AGO2: variants seen among roughly 807,000 people sequenced by gnomAD.
AGO2 encodes protein argonaute-2.
In AGO2, 5 loss-of-function variants were observed where a neutral mutation model predicts 102.3. The ratio of observed to expected loss-of-function variants is 0.05; its 90% CI spans 0.03 to 0.10. The LOEUF (loss-of-function observed/expected upper bound fraction) is 0.10, where lower values mean the gene tolerates loss of function less well. Ranked by LOEUF, AGO2 falls within the 10% of genes least tolerant of loss-of-function variation. AGO2 has a pLI of 1.00. For missense variants in AGO2, 541 were observed against 1,183.7 expected (o/e 0.46, Z 7.97); for synonymous variants, 449 against 473.1 (o/e 0.95, Z 0.66).
chr8:140,623,821 G>T (rs375654145), intron 1 of AGO2, among the ~76,000 whole-genome samples: 2 of 152,082 alleles, frequency 1.3e-5, no homozygotes. Context: ...GCCCCAGGGC[G>T]GGATGGCTGC....
intron 13 of AGO2, 30 bp downstream of exon 13, chr8:140,547,438 G>A (rs751917491): frequency 1.3e-5 from 21 of 1,607,128 alleles, no homozygotes; most frequent in African/African-American, 5.3e-5. Context: ...GCCCTGGTCC[G>A]CAGGCGGAGG....
intron 16 of AGO2, among the ~76,000 whole-genome samples, chr8:140,536,353 G>A (rs143869041): frequency 0.03 from 4,371 of 147,330 alleles, 207 homozygotes; most frequent in African/African-American, 0.1. Context: ...TTGAGATGGA[G>A]TCTTGCTTTG....
intron 1 of AGO2, among the ~76,000 whole-genome samples, chr8:140,624,880 C>G (rs1430393496): frequency 2.0e-5 from 3 of 152,354 alleles, no homozygotes; most frequent in African/African-American, 7.2e-5. Context: ...GCAGCATCAA[C>G]CACAGACAGA....
At chr8:140,627,304 A>G (rs2074291177) in intron 1 of AGO2, among the ~76,000 whole-genome samples, 1 of 152,254 alleles carries the variant, frequency 6.6e-6, no homozygotes, top group Non-Finnish European at 1.5e-5. Flanking sequence ...ATGATGTTGG[A>G]AAGACAAACT....
At chr8:140,599,090 C>T (rs2073890677) in intron 1 of AGO2, among the ~76,000 whole-genome samples, 1 of 152,240 alleles carries the variant, frequency 6.6e-6, no homozygotes, top group East Asian at 1.9e-4. Flanking sequence ...GCCTCCTCAT[C>T]TTGCCACCAC....
At chr8:140,536,612 A>G (rs1198830053) in intron 16 of AGO2, among the ~76,000 whole-genome samples, 1 of 152,254 alleles carries the variant, frequency 6.6e-6, no homozygotes, top group East Asian at 1.9e-4. Context: ...GGCATGAGCC[A>G]GCGCATCCGG....
chr8:140,631,369 C>T (rs1476542462), intron 1 of AGO2, among the ~76,000 whole-genome samples: 2 of 151,954 alleles, frequency 1.3e-5, no homozygotes, highest in African/African-American at 4.8e-5. Flanking sequence ...TGGTGAAACC[C>T]CATCTCTACC....
intron 1 of AGO2, among the ~76,000 whole-genome samples, chr8:140,607,425 GACCCCGTCTCACCCCC>G (rs2074011408): frequency 6.9e-6 from 1 of 144,666 alleles, no homozygotes; most frequent in Admixed American, 7.0e-5. Flanking sequence ...AACCTAGTGA[GACCCCGTCTCACCCCC>G]ACCTCTTAAA....
At chr8:140,551,204 T>C (rs1223673098) in intron 11 of AGO2, 99 bp downstream of exon 11, 3 of 1,349,358 alleles carry the variant, frequency 2.2e-6, no homozygotes, top group Non-Finnish European at 2.9e-6. Flanking sequence ...ACCAGCACCC[T>C]CACCCCCACC....
chr8:140,539,168 AC>A lies in AGO2; in HGVS notation c.2169+151del, dbSNP rs2072749004. The A allele has an allele frequency of 8.9e-7, 1 of 1,125,186 alleles. No homozygotes were observed. Among genetic ancestry groups the A allele is most frequent in the Non-Finnish European group, 1.2e-6 (1 of 809,132 alleles). The allele number at this position is 1,125,186 out of a possible 1,614,324, so 69.7% of individuals were successfully genotyped here. A position where few individuals can be genotyped will look rare whatever the true frequency, so the allele number is the denominator to read the frequency against. ...AAGGACAGCCTTCTCTAGTGTCTAA[AC>A]CTGGGTCCCCATGAAGCCCCTTAGA... is the stretch of plus-strand genomic sequence containing the variant. On this transcript the variant is annotated intron_variant, in intron 16 of 18. Transcript: ENST00000220592. This position sits in a 1 kb window ranked among gnomAD's most constrained non-coding sequence, Gnocchi z 4.7.
chr8:140,628,220 G>T (rs2074298978), intron 1 of AGO2, among the ~76,000 whole-genome samples: 1 of 152,246 alleles, frequency 6.6e-6, no homozygotes, highest in Admixed American at 6.5e-5. Flanking sequence ...CCACCCCAGA[G>T]CTCGGCCCAG....
intron 1 of AGO2, among the ~76,000 whole-genome samples, chr8:140,603,243 A>G (rs1464082619): frequency 6.6e-6 from 1 of 152,180 alleles, no homozygotes; most frequent in Non-Finnish European, 1.5e-5. Context: ...CTCATCGGGA[A>G]GTCTGTCAGC....
At chr8:140,624,219 C>T (rs2074248517) in intron 1 of AGO2, among the ~76,000 whole-genome samples, 1 of 152,150 alleles carries the variant, frequency 6.6e-6, no homozygotes, top group African/African-American at 2.4e-5. Flanking sequence ...GCTCTGCCCC[C>T]TCTGGAGCCC....
chr8:140,559,843 T>C (rs1357969476), intron 5 of AGO2, among the ~76,000 whole-genome samples: 3 of 152,146 alleles, frequency 2.0e-5, no homozygotes, highest in Non-Finnish European at 4.4e-5. Context: ...TGTAGATATT[T>C]CTGAAATTCA....
At chr8:140,610,255 A>C (rs115048906) in intron 1 of AGO2, among the ~76,000 whole-genome samples, 1,575 of 152,124 alleles carry the variant, frequency 0.01, 18 homozygotes, top group African/African-American at 0.035. Flanking sequence ...CAGACGGCAA[A>C]GACAAGAGAT....
chr8:140,630,558 G>A (rs181152250), intron 1 of AGO2, among the ~76,000 whole-genome samples: 26 of 152,370 alleles, frequency 1.7e-4, no homozygotes, highest in Non-Finnish European at 2.6e-4. Flanking sequence ...TGTGTGGCGT[G>A]GGCCAGCAGA....
chr8:140,560,828 C>T (rs906299276), intron 4 of AGO2, among the ~76,000 whole-genome samples: 1 of 152,252 alleles, frequency 6.6e-6, no homozygotes, highest in Non-Finnish European at 1.5e-5. Flanking sequence ...CTGGCTTTGC[C>T]TCGCCTTACT....
chr8:140,533,606 A>G (rs2072641369), intron 17 of AGO2, among the ~76,000 whole-genome samples: 1 of 152,114 alleles, frequency 6.6e-6, no homozygotes, highest in Non-Finnish European at 1.5e-5. Context: ...CAGGAGTTTG[A>G]GACCAGCCTG....
chr8:140,609,580 T>C (rs1299529803), intron 1 of AGO2, among the ~76,000 whole-genome samples: 1 of 152,128 alleles, frequency 6.6e-6, no homozygotes, highest in African/African-American at 2.4e-5. Flanking sequence ...CAATGAGGCC[T>C]CCCTAACACC....
Sources: gnomAD v4.1 joint callset for allele counts (sites outside exome capture counted in the v4.1 genomes callset) on GRCh38, gnomAD v4.1.1 for gene constraint, Gnocchi (gnomAD v3.1) non-coding constraint, MANE v1.5 for transcripts, NCBI Gene and HGNC (gene_info 2026-07-23, HGNC 2026-07-21) for gene names.